IL1RAPL2: variants seen among roughly 807,000 people sequenced by gnomAD.
The protein encoded by IL1RAPL2 is X-linked interleukin-1 receptor accessory protein-like 2.
Under a neutral mutation model 44.1 loss-of-function variants are expected in IL1RAPL2, and 3 were observed. The ratio of observed to expected loss-of-function variants is 0.07; its 90% CI spans 0.03 to 0.18. The LOEUF is 0.18. Ranked by LOEUF, IL1RAPL2 falls within the 10% of genes least tolerant of loss-of-function variation. The pLI, the probability that IL1RAPL2 is intolerant of heterozygous loss-of-function variation, is 1.00. For missense variants in IL1RAPL2, 391 were observed against 496.4 expected, an observed-to-expected ratio of 0.79 and a Z score of 2.02; for synonymous variants, 181 against 178.8, an observed-to-expected ratio of 1.01 and a Z score of -0.10.
intron 2 of IL1RAPL2, among the ~76,000 whole-genome samples, chrX:104,698,960 G>A (rs1931226269): frequency 9.0e-6 from 1 of 111,202 alleles, no homozygotes; most frequent in East Asian, 2.9e-4. Context: ...TCACTCTGTA[G>A]TCCCTCTCCC....
chrX:105,075,769 G>T (rs1425522603), intron 2 of IL1RAPL2, among the ~76,000 whole-genome samples: 1 of 111,692 alleles, frequency 9.0e-6, no homozygotes, highest in Non-Finnish European at 1.9e-5. Flanking sequence ...GTTTAGTCTT[G>T]GGAGAGTGTA....
intron 2 of IL1RAPL2, among the ~76,000 whole-genome samples, chrX:104,730,330 G>A (rs1012802986): frequency 7.2e-5 from 7 of 97,478 alleles, no homozygotes; most frequent in Non-Finnish European, 1.5e-4. Flanking sequence ...CCATTAACTC[G>A]TCATTTAGCA....
At chrX:104,957,308 G>A (rs748880128) in intron 2 of IL1RAPL2, among the ~76,000 whole-genome samples, 24 of 112,063 alleles carry the variant, frequency 2.1e-4, no homozygotes, top group African/African-American at 7.8e-4. Flanking sequence ...AAAGTCCCTG[G>A]AATTAAAGGA....
intron 2 of IL1RAPL2, among the ~76,000 whole-genome samples, chrX:104,847,247 T>G (rs964239863): frequency 1.2e-4 from 14 of 112,239 alleles, no homozygotes; most frequent in Non-Finnish European, 2.3e-4. Context: ...CTTTTGGTGT[T>G]TTAATCATGA....
chrX:104,964,844 G>C (rs1349345517), intron 2 of IL1RAPL2, among the ~76,000 whole-genome samples: 9 of 107,475 alleles, frequency 8.4e-5, no homozygotes, highest in African/African-American at 3.1e-4. Context: ...TTGCTCTACT[G>C]TTGCCCAGGC....
chrX:105,232,955 A>G (rs2034084040), intron 3 of IL1RAPL2, among the ~76,000 whole-genome samples: 1 of 112,000 alleles, frequency 8.9e-6, no homozygotes, highest in African/African-American at 3.2e-5. Flanking sequence ...ATAAAAGCCC[A>G]AAATTCAACA....
intron 2 of IL1RAPL2, among the ~76,000 whole-genome samples, chrX:104,946,051 TTTA>T (rs1257954956): frequency 9.1e-6 from 1 of 110,271 alleles, no homozygotes; most frequent in Non-Finnish European, 1.9e-5. Flanking sequence ...CAAATTATCA[TTTA>T]TTATTTTTTT....
intron 2 of IL1RAPL2, among the ~76,000 whole-genome samples, chrX:104,941,787 T>C (rs756848066): frequency 1.4e-4 from 16 of 111,937 alleles, no homozygotes; most frequent in Non-Finnish European, 2.8e-4. Context: ...GCCCATGTCC[T>C]GAATGGTATT....
intron 2 of IL1RAPL2, among the ~76,000 whole-genome samples, chrX:105,056,568 T>C (rs1298412891): frequency 9.0e-6 from 1 of 111,414 alleles, no homozygotes; most frequent in East Asian, 2.8e-4. Flanking sequence ...ACCATTACCA[T>C]TGGATGTAGT....
intron 2 of IL1RAPL2, among the ~76,000 whole-genome samples, chrX:105,184,361 ATAAT>A (rs1348993391): frequency 7.2e-5 from 8 of 110,733 alleles, no homozygotes; most frequent in East Asian, 2.8e-4. Flanking sequence ...AAAATTTCAT[ATAAT>A]TAAACTATTG....
At chrX:105,260,409 A>C (rs768572870) in intron 4 of IL1RAPL2, among the ~76,000 whole-genome samples, 1 of 111,923 alleles carries the variant, frequency 8.9e-6, no homozygotes, top group South Asian at 3.8e-4. Flanking sequence ...GGACTCACTG[A>C]AAGAAGCAGT....
intron 1 of IL1RAPL2, among the ~76,000 whole-genome samples, chrX:104,619,931 T>G (rs1929353073): frequency 9.0e-6 from 1 of 111,712 alleles, no homozygotes; most frequent in Non-Finnish European, 1.9e-5. Flanking sequence ...AATTGTCTAC[T>G]TAAATGAGAC....
intron 2 of IL1RAPL2, among the ~76,000 whole-genome samples, chrX:105,183,045 C>T (rs1484613248): frequency 3.6e-5 from 4 of 111,180 alleles, no homozygotes; most frequent in African/African-American, 1.3e-4. Flanking sequence ...GCCTGCATGG[C>T]ATCCTCGGCA....
intron 2 of IL1RAPL2, among the ~76,000 whole-genome samples, chrX:105,076,891 C>G (rs867542061): frequency 1.4e-4 from 15 of 110,469 alleles, no homozygotes; most frequent in East Asian, 2.9e-4. Context: ...TTTTCCATTT[C>G]CTTGGTAGAT....
At chrX:104,894,905 A>G (rs1391315848) in intron 2 of IL1RAPL2, among the ~76,000 whole-genome samples, 2 of 111,315 alleles carry the variant, frequency 1.8e-5, no homozygotes, top group African/African-American at 3.3e-5. Flanking sequence ...TTTTTTCCCC[A>G]TCTTTGTGGT....
At chrX:105,454,966 G>A (rs932255795) in intron 5 of IL1RAPL2, among the ~76,000 whole-genome samples, 1 of 109,792 alleles carries the variant, frequency 9.1e-6, no homozygotes, top group Non-Finnish European at 1.9e-5. Flanking sequence ...AATTACAGAT[G>A]AATAAATCAC....
intron 3 of IL1RAPL2, chrX:105,220,118 G>A: frequency 8.3e-7 from 1 of 1,211,353 alleles, no homozygotes; most frequent in South Asian, 1.8e-5. Flanking sequence ...GCGAAGCCGT[G>A]CAGCCACCGC....
At chrX:105,717,228 G>A (rs752460115) in intron 6 of IL1RAPL2, 139 bp from the exon 7 acceptor site, 5 of 439,961 alleles carry the variant, frequency 1.1e-5, no homozygotes, top group Non-Finnish European at 1.8e-5. Flanking sequence ...ATTTTTCCCA[G>A]GTACAATGAT....
At chrX:104,753,453 G>A (rs1035354530) in intron 2 of IL1RAPL2, among the ~76,000 whole-genome samples, 3 of 111,262 alleles carry the variant, frequency 2.7e-5, no homozygotes, top group Non-Finnish European at 5.7e-5. Context: ...GTACTCTAAG[G>A]TAATGGAATC....
Sources: gnomAD v4.1 joint callset for allele counts (sites outside exome capture counted in the v4.1 genomes callset) on GRCh38, gnomAD v4.1.1 for gene constraint, MANE v1.5 for transcripts, NCBI Gene and HGNC (gene_info 2026-07-23, HGNC 2026-07-21) for gene names.